MACROD2: variants seen among roughly 807,000 people sequenced by gnomAD.
The protein encoded by MACROD2 is mono-ADP ribosylhydrolase 2.
Under a neutral mutation model 70.4 loss-of-function variants are expected in MACROD2, and 36 were observed. The observed-to-expected ratio is 0.51, with a 90% CI of 0.39 to 0.68. The LOEUF is 0.68. Among genes scored for constraint, MACROD2 ranks in the 30% least tolerant of loss-of-function variants. MACROD2 has a pLI of 0.00. For missense variants in MACROD2, 496 were observed against 538.4 expected, an observed-to-expected ratio of 0.92 and a Z score of 0.78; for synonymous variants, 172 against 178.8, an observed-to-expected ratio of 0.96 and a Z score of 0.30.
intron 3 of MACROD2, among the ~76,000 whole-genome samples, chr20:14,343,368 T>C (rs759201065): frequency 2.0e-5 from 3 of 152,178 alleles, no homozygotes; most frequent in African/African-American, 7.2e-5. Context: ...CTTTGAGCCT[T>C]AGTTCCTTTA....
chr20:15,412,337 G>A (rs1024364015), intron 6 of MACROD2, among the ~76,000 whole-genome samples: 5 of 152,076 alleles, frequency 3.3e-5, no homozygotes, highest in African/African-American at 4.8e-5. Flanking sequence ...ATCAAGAAGC[G>A]AAGAATTTCC....
At chr20:15,517,191 C>T (rs1041805637) in intron 8 of MACROD2, among the ~76,000 whole-genome samples, 3 of 152,128 alleles carry the variant, frequency 2.0e-5, no homozygotes, top group Non-Finnish European at 4.4e-5. Context: ...CTCCCTTGCT[C>T]CTACCCTCCA....
chr20:14,259,939 T>C (rs1213086569), intron 3 of MACROD2, among the ~76,000 whole-genome samples: 3 of 152,178 alleles, frequency 2.0e-5, no homozygotes, highest in African/African-American at 7.2e-5. Flanking sequence ...GGAAACAGAT[T>C]GAAGTTCCTT....
intron 6 of MACROD2, among the ~76,000 whole-genome samples, chr20:15,416,633 G>A (rs1460411079): frequency 6.6e-6 from 1 of 152,164 alleles, no homozygotes; most frequent in Non-Finnish European, 1.5e-5. Context: ...GGCTGGGCAA[G>A]GTGGCTCACG....
intron 5 of MACROD2, chr20:15,021,664 G>C (rs1279227438): frequency 6.6e-6 from 1 of 151,900 alleles, no homozygotes; most frequent in Non-Finnish European, 1.5e-5. Flanking sequence ...AAGCACAAGA[G>C]ACAATAAAAA....
intron 3 of MACROD2, among the ~76,000 whole-genome samples, chr20:14,352,896 A>T (rs1284244558): frequency 2.0e-5 from 3 of 152,148 alleles, no homozygotes; most frequent in Non-Finnish European, 4.4e-5. Flanking sequence ...TCTTCATTAA[A>T]AATGGGATAT....
intron 3 of MACROD2, among the ~76,000 whole-genome samples, chr20:14,143,943 A>ATTT (rs2054910197): frequency 6.6e-6 from 1 of 152,216 alleles, no homozygotes; most frequent in Non-Finnish European, 1.5e-5. Flanking sequence ...AGTCAAAATA[A>ATTT]TTAAGGTAAT....
At chr20:15,946,782 A>G (rs1043426877) in intron 12 of MACROD2, among the ~76,000 whole-genome samples, 16 of 152,180 alleles carry the variant, frequency 1.1e-4, no homozygotes, top group African/African-American at 3.6e-4. Flanking sequence ...GGCCCAGGGG[A>G]CCAGCACTCA....
intron 6 of MACROD2, among the ~76,000 whole-genome samples, chr20:15,276,447 A>C (rs2077394032): frequency 6.6e-6 from 1 of 152,146 alleles, no homozygotes; most frequent in Non-Finnish European, 1.5e-5. Flanking sequence ...TTTGCTAAGA[A>C]CTAACTTAAC....
At chr20:14,392,375 A>T (rs769377648) in intron 3 of MACROD2, among the ~76,000 whole-genome samples, 1 of 152,100 alleles carries the variant, frequency 6.6e-6, no homozygotes, top group Non-Finnish European at 1.5e-5. Context: ...ATGCAGTTAG[A>T]CTTTTCTGAA....
At chr20:14,020,053 T>C (rs1411141955) in intron 2 of MACROD2, among the ~76,000 whole-genome samples, 1 of 152,174 alleles carries the variant, frequency 6.6e-6, no homozygotes, top group East Asian at 1.9e-4. Context: ...CAAGGGCAGT[T>C]TGGAGGTTAA....
At chr20:15,985,565 T>G (rs960074450) in intron 13 of MACROD2, among the ~76,000 whole-genome samples, 6 of 152,194 alleles carry the variant, frequency 3.9e-5, no homozygotes, top group African/African-American at 1.2e-4. Context: ...ACTGTGTTAA[T>G]CCTCCACGGG....
chr20:14,686,661 A>G (rs1160648681), intron 5 of MACROD2, among the ~76,000 whole-genome samples: 1 of 152,192 alleles, frequency 6.6e-6, no homozygotes, highest in Non-Finnish European at 1.5e-5. Flanking sequence ...GCTATAGCCT[A>G]TAGTCTAGGT....
intron 8 of MACROD2, among the ~76,000 whole-genome samples, chr20:15,589,760 G>GT (rs2048653102): frequency 6.6e-6 from 1 of 152,120 alleles, no homozygotes. Context: ...ATGTCATATA[G>GT]TTGGAACCAC....
chr20:15,103,066 A>G (rs1488555363), intron 5 of MACROD2, among the ~76,000 whole-genome samples: 3 of 152,174 alleles, frequency 2.0e-5, no homozygotes, highest in Admixed American at 2.0e-4. Context: ...TAAGCACAAA[A>G]TTCAGCATTG....
chr20:16,040,665 G>T (rs1378290365), intron 15 of MACROD2, among the ~76,000 whole-genome samples: 1 of 151,944 alleles, frequency 6.6e-6, no homozygotes, highest in Non-Finnish European at 1.5e-5. Context: ...TAAATTCTCA[G>T]CAATCCGAAA....
At chr20:14,691,793 C>T (rs2071067953) in intron 5 of MACROD2, among the ~76,000 whole-genome samples, 1 of 152,096 alleles carries the variant, frequency 6.6e-6, no homozygotes, top group Admixed American at 6.5e-5. Flanking sequence ...CCTGAGGGCC[C>T]TCATGAGCCC....
chr20:15,238,966 A>G (rs2077037193), intron 6 of MACROD2, among the ~76,000 whole-genome samples: 1 of 152,210 alleles, frequency 6.6e-6, no homozygotes, highest in African/African-American at 2.4e-5. Context: ...TTGCAATGCA[A>G]GCTTTCATCT....
chr20:14,048,173 C>T (rs546560666), intron 2 of MACROD2, among the ~76,000 whole-genome samples: 2 of 152,166 alleles, frequency 1.3e-5, no homozygotes, highest in African/African-American at 4.8e-5. Context: ...AAGAAGAAGG[C>T]TTTAATCTCA....
Sources: gnomAD v4.1 joint callset for allele counts (sites outside exome capture counted in the v4.1 genomes callset) on GRCh38, gnomAD v4.1.1 for gene constraint, MANE v1.5 for transcripts, NCBI Gene and HGNC (gene_info 2026-07-23, HGNC 2026-07-21) for gene names.